The following ITPR1 variants were observed in gnomAD, a reference collection of about 807,000 sequenced individuals.
ITPR1 encodes inositol 1,4,5-trisphosphate-gated calcium channel ITPR1.
A neutral mutation model predicts 318.4 loss-of-function variants in ITPR1; 96 were observed. The ratio of observed to expected loss-of-function variants is 0.30; its 90% confidence interval spans 0.26 to 0.36. The LOEUF (loss-of-function observed/expected upper bound fraction) is 0.36. Among genes scored for constraint, ITPR1 ranks in the 10% least tolerant of loss-of-function variants. ITPR1 has a pLI of 1.00. For missense variants in ITPR1, 2,440 were observed against 3,460.2 expected (o/e 0.71, Z 7.40); for synonymous variants, 1,312 against 1,289.9 (o/e 1.02, Z -0.37).
intron 2 of ITPR1, among the ~76,000 whole-genome samples, chr3:4,508,894 G>A (rs543206815): frequency 1.5e-4 from 23 of 152,254 alleles, no homozygotes; most frequent in Admixed American, 1.2e-3. Flanking sequence ...GCCACCTCGT[G>A]GGCTTACAGA....
chr3:4,685,151 G>A lies in ITPR1; in HGVS notation c.3647G>A (p.Arg1216Gln), dbSNP rs1255203689. The A allele has an allele frequency of 5.0e-6, 8 of 1,609,346 alleles. No homozygotes were observed. The highest frequency in any genetic ancestry group is 4.2e-6 in the Non-Finnish European group (5 of 1,178,892). ...AGGAAGCAGCAACAGCGTCTGCTCCGGAACATGGGCGCGCACGCCGTGGTG... is the reference window on the plus strand; with the variant it reads ...AGGAAGCAGCAACAGCGTCTGCTCCAGAACATGGGCGCGCACGCCGTGGTG... ...KSRKQQQRLLRNMGAHAVVLE... is the reference protein window; with the variant it reads ...KSRKQQQRLLQNMGAHAVVLE... Residue 1216 changes from arginine (R) to glutamine (Q), a missense_variant, in exon 30 of 62, where the codon CGG (arginine) becomes CAG (glutamine). Physicochemically the swap from Arg to Gln is conservative, Grantham distance 43. Coordinates refer to ENST00000649015, the MANE Select transcript of ITPR1 (RefSeq NM_001378452.1).
intron 25 of ITPR1, among the ~76,000 whole-genome samples, chr3:4,681,046 T>G (rs887122858): frequency 6.6e-6 from 1 of 152,078 alleles, no homozygotes; most frequent in African/African-American, 2.4e-5. Context: ...CTTTGGAAGT[T>G]TTTCCCTGCC....
intron 60 of ITPR1, among the ~76,000 whole-genome samples, chr3:4,827,907 T>C (rs2050185178): frequency 6.6e-6 from 1 of 152,010 alleles, no homozygotes; most frequent in African/African-American, 2.4e-5. Context: ...CTTAAGTCAA[T>C]AACAGTGCTG....
At chr3:4,635,587 T>C (rs373944691) in intron 5 of ITPR1, among the ~76,000 whole-genome samples, 11 of 152,188 alleles carry the variant, frequency 7.2e-5, no homozygotes, top group Non-Finnish European at 7.4e-5. Context: ...CCTTGTGATC[T>C]GCCCGCCTCG....
chr3:4,829,722 T>G (rs943349458), intron 60 of ITPR1, among the ~76,000 whole-genome samples: 6 of 152,146 alleles, frequency 3.9e-5, no homozygotes, highest in African/African-American at 1.4e-4. Context: ...TGTCCCTCCA[T>G]CATTTGCTGC....
intron 44 of ITPR1, among the ~76,000 whole-genome samples, chr3:4,739,553 C>T (rs1316200711): frequency 6.6e-6 from 1 of 152,132 alleles, no homozygotes. Flanking sequence ...CACAGTGGCT[C>T]AAGGAAACAG....
At chr3:4,722,721 T>C (rs575726789) in intron 40 of ITPR1, among the ~76,000 whole-genome samples, 3 of 142,382 alleles carry the variant, frequency 2.1e-5, no homozygotes, top group Non-Finnish European at 4.8e-5. Context: ...TTAGATACCA[T>C]GTATGGCCTG....
chr3:4,598,978 G>T (rs1378008064), intron 4 of ITPR1, among the ~76,000 whole-genome samples: 2 of 150,480 alleles, frequency 1.3e-5, no homozygotes, highest in South Asian at 2.1e-4. Flanking sequence ...TCTAGGTGTG[G>T]TCTATAGTGC....
At chr3:4,705,513 C>T (rs1352420389) in intron 36 of ITPR1, among the ~76,000 whole-genome samples, 1 of 152,188 alleles carries the variant, frequency 6.6e-6, no homozygotes, top group Non-Finnish European at 1.5e-5. Flanking sequence ...TGTCATGTCT[C>T]TCCAGTCTCT....
At chr3:4,735,107 C>A in intron 43 of ITPR1, 57 bp from the exon 44 acceptor site, 1 of 1,383,428 alleles carries the variant, frequency 7.2e-7, no homozygotes, top group South Asian at 1.2e-5. Flanking sequence ...AGTAAGTATG[C>A]AGCAAACATT....
intron 10 of ITPR1, among the ~76,000 whole-genome samples, chr3:4,648,456 T>C (rs1255742117): frequency 1.3e-5 from 2 of 152,324 alleles, no homozygotes; most frequent in African/African-American, 2.4e-5. Flanking sequence ...CATTTTCTCA[T>C]TTTAAGCTAA....
intron 20 of ITPR1, 101 bp downstream of exon 20, chr3:4,671,027 G>C: frequency 1.2e-6 from 1 of 801,786 alleles, no homozygotes; most frequent in Non-Finnish European, 1.9e-6. Context: ...ATCACAAGGA[G>C]TCATCTTGTA....
chr3:4,505,335 A>G (rs1434898941), intron 2 of ITPR1, among the ~76,000 whole-genome samples: 2 of 152,016 alleles, frequency 1.3e-5, no homozygotes, highest in African/African-American at 2.4e-5. Context: ...TGGGACTACA[A>G]GCACAAGCCA....
intron 4 of ITPR1, among the ~76,000 whole-genome samples, chr3:4,600,244 A>T (rs1196869071): frequency 6.6e-6 from 1 of 152,186 alleles, no homozygotes; most frequent in African/African-American, 2.4e-5. Context: ...ATTTTTGGAC[A>T]TGCTGGCCCC....
At position 4,733,215 on chromosome 3, in the gene ITPR1, G is replaced by T. The variant is rs761431314; in HGVS notation, c.5348G>T (p.Gly1783Val). ...GCAGGAGGACCCGGCAAGCCCGGGG[G>T]AGGAGGTACGCTTTGTGGTGTAATT... is the stretch of plus-strand genomic sequence containing the variant. ...LSAGGPGKPG[G>V]GGGGSGSSSM... The change falls in exon 43 of 62, where the codon GGA (glycine) becomes GTA (valine). Residue 1783 changes from glycine to valine, a missense_variant. This residue lies in a region of ITPR1 where 166 missense variants were observed against 143.7 expected (regional missense o/e 1.16). Transcript: ENST00000649015. The T allele has an allele frequency of 2.5e-6, 4 of 1,613,898 alleles. No homozygotes were observed. Among genetic ancestry groups the T allele is most frequent in the Non-Finnish European group, 3.4e-6 (4 of 1,179,890 alleles).
intron 49 of ITPR1, 109 bp from the exon 50 acceptor site, chr3:4,782,510 G>C (rs938113393): frequency 1.7e-6 from 2 of 1,192,062 alleles, no homozygotes; most frequent in African/African-American, 1.5e-5. Context: ...AGAGAGTGCG[G>C]AACAGCCTTT....
At chr3:4,589,969 C>T (rs2090251885) in intron 4 of ITPR1, among the ~76,000 whole-genome samples, 1 of 152,090 alleles carries the variant, frequency 6.6e-6, no homozygotes, top group Non-Finnish European at 1.5e-5. Flanking sequence ...TTCCTGTTCC[C>T]TGCACACAGC....
chr3:4,775,213 C>T (rs779497852), intron 46 of ITPR1, 29 bp from the exon 47 acceptor site: 6 of 1,547,784 alleles, frequency 3.9e-6, no homozygotes, highest in Non-Finnish European at 5.4e-6. Flanking sequence ...TGCCTTTGCT[C>T]ACCGAACCTG....
At chr3:4,693,813 C>G in intron 33 of ITPR1, 72 bp downstream of exon 33, 1 of 1,505,758 alleles carries the variant, frequency 6.6e-7, no homozygotes, top group South Asian at 1.3e-5. Context: ...CACTGGGAGA[C>G]ATGGTGGTGG....
Sources: gnomAD v4.1 joint callset for allele counts (sites outside exome capture counted in the v4.1 genomes callset) on GRCh38, gnomAD v4.1.1 for gene constraint, gnomAD v4.1.1 regional missense constraint, MANE v1.5 for transcripts, NCBI Gene and HGNC (gene_info 2026-07-23, HGNC 2026-07-21) for gene names.